DDX11: variants seen among roughly 807,000 people sequenced by gnomAD.
The protein encoded by DDX11 is ATP-dependent DNA helicase DDX11.
Under a neutral mutation model 125.2 loss-of-function variants are expected in DDX11, and 72 were observed. The observed-to-expected ratio is 0.58, with a 90% CI of 0.48 to 0.70. The LOEUF is 0.70. DDX11 is among the 30% of genes least tolerant of loss of function. DDX11 has a pLI of 0.00. For missense variants in DDX11, 883 were observed against 1,165.0 expected, an observed-to-expected ratio of 0.76 and a Z score of 3.52; for synonymous variants, 347 against 452.6, an observed-to-expected ratio of 0.77 and a Z score of 2.96.
intron 17 of DDX11, 112 bp from the exon 18 acceptor site, chr12:31,097,769 GAGAA>G: frequency 1.5e-6 from 1 of 689,214 alleles, no homozygotes; most frequent in Non-Finnish European, 2.7e-6. Context: ...TTAATTTAAA[GAGAA>G]AGCACTAGCA....
chr12:31,104,324 G>C lies in DDX11; in HGVS notation c.*488G>C. On this transcript the variant is annotated 3_prime_UTR_variant, in exon 27 of 27. Coordinates refer to ENST00000542838, the MANE Select transcript of DDX11 (RefSeq NM_030653.4). ...TCCATGGCCACAGGGCTCCTGCCCA[G>C]GGGCTTGTCACCTTCCCCTCCTCCT... 7.3e-6 allele frequency: 3 copies of C among 411,898 alleles called. No individual in the cohort carries two copies. Among genetic ancestry groups the C allele is most frequent in the South Asian group, 6.2e-5 (2 of 32,324 alleles). 25.5% of individuals were successfully genotyped at this position (411,898 alleles called of 1,614,324 possible).
In DDX11 at chr12:31,083,888, G is replaced by A. The variant is rs751687017; in HGVS notation, c.220G>A (p.Ala74Thr). 20 of 1,613,430 alleles carry A rather than the reference G, an allele frequency of 1.2e-5. No homozygotes were observed. Among genetic ancestry groups the A allele is most frequent in the East Asian group, 2.2e-5 (1 of 44,892 alleles). Residue 74 changes from alanine (A) to threonine (T), a missense_variant, in exon 3 of 27, where the codon GCA (alanine) becomes ACA (threonine). Transcript: ENST00000542838. ...TGAACAGAAGAAGCGTGAAGAAGAG[G>A]CACGACTCCTTGAAACTGGAACTGG... ...DFEQKKREEEARLLETGTGPL... is the reference protein window; with the variant it reads ...DFEQKKREEETRLLETGTGPL...
intron 5 of DDX11, chr12:31,086,256 C>A (rs1423842333): frequency 2.3e-6 from 1 of 433,778 alleles, no homozygotes; most frequent in Admixed American, 2.5e-5. Context: ...CTGTTTTGCT[C>A]ATGCACCTGC....
rs1946558759 is a variant in DDX11 at position 31,102,448 on chromosome 12, C to T, written c.2293C>T (p.Gln765Ter). Residue 765 changes from glutamine to a stop codon, truncating the protein, a stop_gained, in exon 23 of 27, where the codon CAG becomes TAG. Transcript: ENST00000542838. LOFTEE classifies it high-confidence loss of function. ...CIQACGQERG[Q>*]VTGALLLSVV... ...ACAGGCCTGTGGCCAGGAGAGAGGCCAGGTGACAGGGGCCCTGCTCCTCTC... is the reference window on the plus strand; with the variant it reads ...ACAGGCCTGTGGCCAGGAGAGAGGCTAGGTGACAGGGGCCCTGCTCCTCTC... The T allele has an allele frequency of 6.2e-7, 1 of 1,613,950 alleles. No homozygotes were observed. The highest frequency in any genetic ancestry group is 1.1e-5 in the South Asian group (1 of 91,056).
chr12:31,096,805 C>G (rs1162704940), intron 16 of DDX11, 54 bp from the exon 17 acceptor site: 1 of 1,614,218 alleles, frequency 6.2e-7, no homozygotes, highest in Admixed American at 1.7e-5. Context: ...ACTTCTGTTC[C>G]TCATGTGTGG....
chr12:31,091,072 G>A (rs1944118706), intron 9 of DDX11: 1 of 152,208 alleles, frequency 6.6e-6, no homozygotes, highest in Non-Finnish European at 1.5e-5. Flanking sequence ...GGACACTGGA[G>A]CCCAGAAAAG....
At chr12:31,093,460 A>C in intron 12 of DDX11, 136 bp downstream of exon 12, 1 of 1,189,698 alleles carries the variant, frequency 8.4e-7, no homozygotes, top group Non-Finnish European at 1.2e-6. Context: ...TCACGCCTGT[A>C]ATCCCAGCAC....
chr12:31,091,660 A>C, intron 9 of DDX11, 59 bp from the exon 10 acceptor site: 1 of 1,550,936 alleles, frequency 6.4e-7, no homozygotes, highest in Non-Finnish European at 8.7e-7. Flanking sequence ...AGTGTCAGGC[A>C]GGCAAGGCTC....
chr12:31,098,115 C>T (rs1945646070), intron 18 of DDX11, 118 bp downstream of exon 18: 6 of 664,106 alleles, frequency 9.0e-6, no homozygotes, highest in South Asian at 6.3e-5. Flanking sequence ...AGGGTCAGCT[C>T]GAGCAGGCCC....
At chr12:31,074,783 T>A (rs2140359018) in intron 1 of DDX11, among the ~76,000 whole-genome samples, 1 of 152,302 alleles carries the variant, frequency 6.6e-6, no homozygotes, top group African/African-American at 2.4e-5. Flanking sequence ...TCCAGGTGTG[T>A]GAAGTTAAAA....
At chr12:31,097,014 G>T (rs747587361) in intron 17 of DDX11, 24 bp downstream of exon 17, 1 of 1,612,850 alleles carries the variant, frequency 6.2e-7, no homozygotes, top group Non-Finnish European at 8.5e-7. Flanking sequence ...TCTTGGCCAG[G>T]TTCAGTTCCC....
chr12:31,078,653 G>C (rs2140409009), intron 2 of DDX11, 116 bp downstream of exon 2: 1 of 1,389,306 alleles, frequency 7.2e-7, no homozygotes, highest in East Asian at 2.4e-5. Context: ...AGTAGTCTCT[G>C]TTTATCTGAG....
intron 12 of DDX11, 45 bp from the exon 13 acceptor site, chr12:31,094,545 G>T: frequency 2.1e-6 from 3 of 1,417,132 alleles, no homozygotes; most frequent in Non-Finnish European, 2.9e-6. Context: ...AGGGTTGGGG[G>T]TCCTGAGAAC....
chr12:31,103,695 A>G lies in DDX11; in HGVS notation c.2655A>G (p.Lys885=), dbSNP rs1439299801. ...PAWIRARVEV[K]ATFGPAIAAV... is the part of the protein sequence containing the mutation. ...GGATCCGAGCCCGTGTGGAGGTCAA[A>G]GCTACCTTTGGCCCCGCCATTGCTG... Residue 885 remains lysine, a synonymous_variant, in exon 26 of 27, where the codon AAA becomes AAG. Coordinates refer to ENST00000542838, the MANE Select transcript of DDX11 (RefSeq NM_030653.4). The G allele has an allele frequency of 1.9e-6, 3 of 1,613,902 alleles. No individual in the cohort carries two copies. The highest frequency in any genetic ancestry group is 1.7e-6 in the Non-Finnish European group (2 of 1,179,988).
In DDX11 at chr12:31,103,021, G is replaced by A. The variant is rs745501673; in HGVS notation, c.2457+1G>A. ...GATGGCCTACTTGGATCAAACCCTC[G>A]TGAGTGACCCCAGTGTCACAGAGGG... On this transcript the variant is annotated splice_donor_variant, in intron 24 of 26. Coordinates refer to ENST00000542838, the MANE Select transcript of DDX11 (RefSeq NM_030653.4). LOFTEE classifies it high-confidence loss of function. The A allele has an allele frequency of 8.7e-6, 14 of 1,613,470 alleles. No individual in the cohort carries two copies. Among genetic ancestry groups the A allele is most frequent in the Admixed American group, 5.0e-5 (3 of 59,998 alleles).
chr12:31,084,565 C>T lies in DDX11; in HGVS notation c.394-18C>T. On this transcript the variant is annotated intron_variant, in intron 3 of 26. Transcript: ENST00000542838. ...TTGGGCTTCCTTGGTGATTTTCCTT[C>T]ATGTCTGCCTCCTGTAGGCGGAGCA... is the stretch of plus-strand genomic sequence containing the variant. 1.3e-6 allele frequency: 2 copies of T among 1,586,478 alleles called. No individual in the cohort carries two copies. The highest frequency in any genetic ancestry group is 1.7e-6 in the Non-Finnish European group (2 of 1,163,672).
chr12:31,103,629 G>A lies in DDX11; in HGVS notation c.2589G>A (p.Gln863=). Residue 863 remains glutamine, a synonymous_variant, in exon 26 of 27, where the codon CAG becomes CAA. Transcript: ENST00000542838. Reference sequence around the variant, plus strand: ...TTGCCAGCGTAGTGCTCCTGGACCAGCGATATGCCCGGCCCCCTGTCCTGG... The same window carrying A: ...TTGCCAGCGTAGTGCTCCTGGACCAACGATATGCCCGGCCCCCTGTCCTGG... ...KDFASVVLLD[Q]RYARPPVLAK... The A allele has an allele frequency of 6.2e-7, 1 of 1,614,118 alleles. No individual in the cohort carries two copies. Among genetic ancestry groups the A allele is most frequent in the South Asian group, 1.1e-5 (1 of 91,064 alleles).
intron 3 of DDX11, 116 bp from the exon 4 acceptor site, chr12:31,084,467 C>T (rs544761209): frequency 1.9e-5 from 18 of 941,072 alleles, no homozygotes; most frequent in East Asian, 1.8e-4. Context: ...GAGTGCTGGC[C>T]GGGGAAGGAG....
Position 31,084,610 on chromosome 12 carries a change from G to C in DDX11, c.421G>C (p.Glu141Gln). Reference protein sequence around the residue: ...KAEQARRKQREERLQQLQHRV... With the variant: ...KAEQARRKQRQERLQQLQHRV... ...GGAGCAGGCCAGGAGGAAGCAGCGA[G>C]AAGAACGCCTGCAGCAGCTGCAGCA... The change falls in exon 4 of 27, where the codon GAA becomes CAA. Residue 141 changes from glutamate to glutamine, a missense_variant. Around this residue, in one of 5 missense-constraint regions of DDX11, gnomAD observed 283 missense variants for 359.6 expected, o/e 0.79. Coordinates refer to ENST00000542838, the MANE Select transcript of DDX11 (RefSeq NM_030653.4). 6.3e-7 allele frequency: 1 copy of C among 1,598,988 alleles called. No individual in the cohort carries two copies. Among genetic ancestry groups the C allele is most frequent in the Middle Eastern group, 1.7e-4 (1 of 6,026 alleles).
Sources: allele counts gnomAD v4.1 joint callset (sites outside exome capture counted in the v4.1 genomes callset), GRCh38; gene constraint gnomAD v4.1.1; regional missense constraint gnomAD v4.1.1; transcripts MANE v1.5; gene names NCBI Gene and HGNC (gene_info 2026-07-23, HGNC 2026-07-21).